Variants in LRIG1 observed in about 807,000 individuals in gnomAD.
LRIG1 encodes the protein leucine rich repeats and immunoglobulin like domains 1, also known as leucine-rich repeats and immunoglobulin-like domains protein 1.
LRIG1 carries 48 observed loss-of-function variants against 99.2 expected under a neutral mutation model. That is an observed-to-expected ratio of 0.48 (90% CI 0.38 to 0.62). LRIG1 has a LOEUF of 0.62. Ranked by LOEUF, LRIG1 falls within the 20% of genes least tolerant of loss-of-function variation. The probability of loss-of-function intolerance (pLI) is 0.00; values close to 1 mark genes in which losing one functional copy is unlikely to be tolerated. For missense variants in LRIG1, 1,646 were observed against 1,434.4 expected, an observed-to-expected ratio of 1.15 and a Z score of -2.38; for synonymous variants, 772 against 596.1, an observed-to-expected ratio of 1.29 and a Z score of -4.30.
chr3:66,383,073 G>T lies in LRIG1; in HGVS notation c.2400C>A (p.Val800=). 5.0e-6 allele frequency: 8 copies of T among 1,614,200 alleles called. No homozygotes were observed. The highest frequency in any genetic ancestry group is 6.8e-6 in the Non-Finnish European group (8 of 1,180,020). ...GTGACGTCAGGACGATGCTGCTCAC[G>T]ACAGCAATGGTGAAGATGCCTACCG... ...GTTVGIFTIA[V]VSSIVLTSLV... Residue 800 remains valine (V), a synonymous_variant, in exon 15 of 19, where the codon GTC becomes GTA. Transcript: ENST00000273261.
chr3:66,403,176 C>T (rs1355737181), intron 9 of LRIG1, among the ~76,000 whole-genome samples: 3 of 152,130 alleles, frequency 2.0e-5, no homozygotes, highest in South Asian at 2.1e-4. Flanking sequence ...CTAGCCACTG[C>T]CCGTTCTCAA....
chr3:66,386,187 A>G lies in LRIG1; in HGVS notation c.1583T>C (p.Phe528Ser). ...AASSSSSPMT[F>S]AWKKDNEVLT... is the part of the protein sequence containing the mutation. ...GACTTCATTGTCTTTCTTCCAGGCAAAGGTCATGGGGGAGCTGCTGCTGCT... is the reference window on the plus strand; with the variant it reads ...GACTTCATTGTCTTTCTTCCAGGCAGAGGTCATGGGGGAGCTGCTGCTGCT... Residue 528 changes from phenylalanine (F) to serine (S), a missense_variant, in exon 13 of 19, where the codon TTT becomes TCT. Coordinates refer to ENST00000273261, the MANE Select transcript of LRIG1 (RefSeq NM_015541.3). 1 of 1,614,130 alleles carries G rather than the reference A, an allele frequency of 6.2e-7. No homozygotes were observed. The highest frequency in any genetic ancestry group is 1.7e-5 in the Admixed American group (1 of 60,020).
intron 2 of LRIG1, among the ~76,000 whole-genome samples, chr3:66,458,442 C>T (rs1393881273): frequency 6.6e-6 from 1 of 152,164 alleles, no homozygotes; most frequent in African/African-American, 2.4e-5. Flanking sequence ...GGGGCTCATA[C>T]CTGTAATCCC....
At chr3:66,451,501 G>A in intron 3 of LRIG1, 58 bp downstream of exon 3, 3 of 1,472,252 alleles carry the variant, frequency 2.0e-6, no homozygotes, top group Non-Finnish European at 2.8e-6. Context: ...TATCAGCAAG[G>A]CAACAAACAC....
intron 1 of LRIG1, among the ~76,000 whole-genome samples, chr3:66,475,632 T>A (rs1470669461): frequency 6.6e-6 from 1 of 152,228 alleles, no homozygotes; most frequent in Non-Finnish European, 1.5e-5. Context: ...TGTGGCAAAG[T>A]GAACCAGGAT....
chr3:66,432,338 C>A (rs1431990177), intron 3 of LRIG1, among the ~76,000 whole-genome samples: 1 of 152,220 alleles, frequency 6.6e-6, no homozygotes, highest in Non-Finnish European at 1.5e-5. Flanking sequence ...GGTTCCAATG[C>A]TGCACAGGGC....
chr3:66,464,497 T>C (rs1017041414), intron 1 of LRIG1, among the ~76,000 whole-genome samples: 13 of 86,944 alleles, frequency 1.5e-4, no homozygotes, highest in Middle Eastern at 5.3e-3. Flanking sequence ...CAGGGTTGCT[T>C]TATTACTTAA....
At chr3:66,481,919 T>A (rs1054340613) in intron 1 of LRIG1, among the ~76,000 whole-genome samples, 1 of 152,242 alleles carries the variant, frequency 6.6e-6, no homozygotes, top group African/African-American at 2.4e-5. Context: ...GGGAAGCAGC[T>A]TACAATTCAA....
At chr3:66,384,505 T>C (rs1451693510) in intron 13 of LRIG1, among the ~76,000 whole-genome samples, 1 of 152,134 alleles carries the variant, frequency 6.6e-6, no homozygotes, top group African/African-American at 2.4e-5. Flanking sequence ...AGGCTGGCTA[T>C]AGTCCCTTCA....
intron 9 of LRIG1, among the ~76,000 whole-genome samples, chr3:66,403,628 C>A (rs1190181059): frequency 6.6e-6 from 1 of 152,192 alleles, no homozygotes; most frequent in Admixed American, 6.5e-5. Context: ...AGAGGGCGGG[C>A]ACTCAGGAAG....
chr3:66,441,042 A>G (rs1282381917), intron 3 of LRIG1, among the ~76,000 whole-genome samples: 1 of 152,172 alleles, frequency 6.6e-6, no homozygotes, highest in Non-Finnish European at 1.5e-5. Context: ...CCTGCTATTT[A>G]CAAACTAACG....
chr3:66,488,799 A>T (rs989757017), intron 1 of LRIG1, among the ~76,000 whole-genome samples: 3 of 152,182 alleles, frequency 2.0e-5, no homozygotes, highest in African/African-American at 7.2e-5. Flanking sequence ...ATGACTATAG[A>T]ATGTGACAGG....
At chr3:66,401,679 G>T in intron 9 of LRIG1, 1 of 1,527,678 alleles carries the variant, frequency 6.5e-7, no homozygotes, top group Non-Finnish European at 8.8e-7. Context: ...TCTAATAAAA[G>T]GCTGCTGCCA....
intron 1 of LRIG1, among the ~76,000 whole-genome samples, chr3:66,492,503 G>A (rs1361140720): frequency 6.6e-6 from 1 of 152,092 alleles, no homozygotes; most frequent in Non-Finnish European, 1.5e-5. Flanking sequence ...CTGCTTGTAA[G>A]AGAGACCTTC....
At chr3:66,457,948 C>T (rs1033873686) in intron 2 of LRIG1, among the ~76,000 whole-genome samples, 4 of 152,212 alleles carry the variant, frequency 2.6e-5, no homozygotes, top group African/African-American at 9.6e-5. Context: ...TCTTCATCTT[C>T]AGTTGACTGT....
At chr3:66,452,220 T>C (rs1241936721) in intron 2 of LRIG1, among the ~76,000 whole-genome samples, 1 of 152,160 alleles carries the variant, frequency 6.6e-6, no homozygotes, top group Non-Finnish European at 1.5e-5. Flanking sequence ...AATGAACATA[T>C]ATACACACAC....
chr3:66,466,697 C>T (rs1700480270), intron 1 of LRIG1, among the ~76,000 whole-genome samples: 1 of 152,202 alleles, frequency 6.6e-6, no homozygotes, highest in African/African-American at 2.4e-5. Flanking sequence ...GACATGCACA[C>T]ACATCTAAAG....
At chr3:66,461,869 CTGTT>C (rs1700361802) in intron 2 of LRIG1, among the ~76,000 whole-genome samples, 1 of 152,226 alleles carries the variant, frequency 6.6e-6, no homozygotes, top group Admixed American at 6.5e-5. Context: ...ATACCTAGCT[CTGTT>C]TGGAGGTGGA....
intron 3 of LRIG1, among the ~76,000 whole-genome samples, chr3:66,430,172 A>AC (rs1210775789): frequency 2.3e-5 from 3 of 129,382 alleles, no homozygotes; most frequent in Admixed American, 8.0e-5. Context: ...AAACAAAACA[A>AC]AACAACAACA....
Sources: gnomAD v4.1 joint callset for allele counts (sites outside exome capture counted in the v4.1 genomes callset) on GRCh38, gnomAD v4.1.1 for gene constraint, MANE v1.5 for transcripts, NCBI Gene and HGNC (gene_info 2026-07-23, HGNC 2026-07-21) for gene names.